Variants in THSD4 observed in about 807,000 individuals in gnomAD.
THSD4 encodes thrombospondin type-1 domain-containing protein 4.
THSD4 carries 69 observed loss-of-function variants against 119.0 expected under a neutral mutation model. The ratio of observed to expected loss-of-function variants is 0.58; its 90% CI spans 0.48 to 0.71. THSD4 has a LOEUF of 0.71. Among genes scored for constraint, THSD4 ranks in the 30% least tolerant of loss-of-function variants. The pLI is 0.00. For missense variants in THSD4, 1,393 were observed against 1,391.1 expected (o/e 1.00, Z -0.02); for synonymous variants, 524 against 540.4 (o/e 0.97, Z 0.42).
chr15:71,607,493 A>C (rs552206174), intron 7 of THSD4, among the ~76,000 whole-genome samples: 1 of 152,314 alleles, frequency 6.6e-6, no homozygotes, highest in South Asian at 2.1e-4. Context: ...TCCACACTTG[A>C]AGTAGTTCCC....
intron 7 of THSD4, among the ~76,000 whole-genome samples, chr15:71,593,916 C>CA (rs1480552301): frequency 2.0e-5 from 3 of 150,198 alleles, no homozygotes; most frequent in Non-Finnish European, 3.0e-5. Context: ...CTTCCCACCC[C>CA]CCCGGCAAAA....
At chr15:71,108,420 G>T (rs2040283042) in intron 1 of THSD4, among the ~76,000 whole-genome samples, 1 of 152,200 alleles carries the variant, frequency 6.6e-6, no homozygotes, top group Admixed American at 6.5e-5. Context: ...AACCTGATTA[G>T]ATTAAATATG....
chr15:71,726,348 C>T (rs2052837537), intron 8 of THSD4, among the ~76,000 whole-genome samples: 1 of 152,130 alleles, frequency 6.6e-6, no homozygotes, highest in African/African-American at 2.4e-5. Context: ...TGGGAAGGCC[C>T]ATTGTAGGAA....
intron 7 of THSD4, among the ~76,000 whole-genome samples, chr15:71,586,647 T>C (rs182328395): frequency 7.3e-4 from 111 of 152,332 alleles, no homozygotes; most frequent in Non-Finnish European, 1.1e-3. Flanking sequence ...CTTTTAATCA[T>C]GTGATTAGGT....
At chr15:71,532,199 G>GA (rs1037450981) in intron 7 of THSD4, among the ~76,000 whole-genome samples, 1 of 151,562 alleles carries the variant, frequency 6.6e-6, no homozygotes. Flanking sequence ...ACATGACCCA[G>GA]AAGGGTAACA....
At chr15:71,430,969 T>C (rs892370859) in intron 7 of THSD4, among the ~76,000 whole-genome samples, 3 of 152,068 alleles carry the variant, frequency 2.0e-5, no homozygotes, top group African/African-American at 4.8e-5. Context: ...GTGTTTCCAA[T>C]TGTGTTCTGT....
At chr15:71,307,278 C>T (rs796904610) in intron 6 of THSD4, among the ~76,000 whole-genome samples, 3 of 152,162 alleles carry the variant, frequency 2.0e-5, no homozygotes, top group South Asian at 4.1e-4. Context: ...ATAGTTATGG[C>T]GGTGGCTGTG....
At chr15:71,285,592 A>G (rs1056819107) in intron 6 of THSD4, among the ~76,000 whole-genome samples, 1 of 152,204 alleles carries the variant, frequency 6.6e-6, no homozygotes, top group Non-Finnish European at 1.5e-5. Context: ...GTGGTGGCTC[A>G]TGCCTGTAAT....
At chr15:71,561,745 C>T (rs1461258446) in intron 7 of THSD4, among the ~76,000 whole-genome samples, 1 of 152,048 alleles carries the variant, frequency 6.6e-6, no homozygotes. Flanking sequence ...GAAGAAAGAG[C>T]AAAAACCAGG....
chr15:71,225,539 CTTTTTTTTTTTCTTTTTT>C (rs899480626), intron 4 of THSD4, among the ~76,000 whole-genome samples: 6 of 105,384 alleles, frequency 5.7e-5, no homozygotes, highest in African/African-American at 1.7e-4. Context: ...TTTTCTTTTT[CTTTTTTTTTTTCTTTTTT>C]TTTTTTTTGA....
intron 7 of THSD4, among the ~76,000 whole-genome samples, chr15:71,573,871 T>C (rs756256486): frequency 2.0e-5 from 3 of 152,224 alleles, no homozygotes; most frequent in Non-Finnish European, 4.4e-5. Context: ...ATTTTAGCTG[T>C]TTCCCCAGCA....
At chr15:71,369,410 C>G (rs1404036210) in intron 6 of THSD4, among the ~76,000 whole-genome samples, 1 of 152,122 alleles carries the variant, frequency 6.6e-6, no homozygotes, top group African/African-American at 2.4e-5. Context: ...CTGATATTGG[C>G]TGTGGGATTG....
chr15:71,422,126 A>G (rs946221887), intron 7 of THSD4, among the ~76,000 whole-genome samples: 5 of 152,098 alleles, frequency 3.3e-5, no homozygotes. Flanking sequence ...AAGGTTACAT[A>G]TCTCTTGTTT....
intron 6 of THSD4, among the ~76,000 whole-genome samples, chr15:71,390,133 C>A (rs1259671554): frequency 6.6e-6 from 1 of 152,138 alleles, no homozygotes; most frequent in East Asian, 1.9e-4. Context: ...ATATTCTGGG[C>A]AATCCCTGAA....
chr15:71,234,797 A>G (rs936229864), intron 4 of THSD4, among the ~76,000 whole-genome samples: 10 of 152,144 alleles, frequency 6.6e-5, no homozygotes, highest in Admixed American at 1.3e-4. Flanking sequence ...CTCTGGCGCT[A>G]TCATCCTCAG....
chr15:71,773,223 A>G, intron 17 of THSD4, among the ~76,000 whole-genome samples: 1 of 127,928 alleles, frequency 7.8e-6, no homozygotes, highest in Non-Finnish European at 1.5e-5. Context: ...AAAGAAAAAG[A>G]AAAAAGAAAA....
chr15:71,740,622 A>G (rs1025589502), intron 11 of THSD4, among the ~76,000 whole-genome samples: 4 of 152,146 alleles, frequency 2.6e-5, no homozygotes, highest in African/African-American at 9.7e-5. Context: ...AATGGAGCAA[A>G]CTCATAACCA....
At chr15:71,628,790 T>C (rs1407924505) in intron 7 of THSD4, among the ~76,000 whole-genome samples, 1 of 152,182 alleles carries the variant, frequency 6.6e-6, no homozygotes, top group East Asian at 1.9e-4. Context: ...AGAAAATCCA[T>C]GCAAGTTTGG....
chr15:71,232,165 G>A (rs2044066653), intron 4 of THSD4, among the ~76,000 whole-genome samples: 1 of 152,112 alleles, frequency 6.6e-6, no homozygotes, highest in Admixed American at 6.5e-5. Flanking sequence ...GCTCTAGGTA[G>A]CCACTGGCTG....
Sources: gnomAD v4.1 joint callset for allele counts (sites outside exome capture counted in the v4.1 genomes callset) on GRCh38, gnomAD v4.1.1 for gene constraint, MANE v1.5 for transcripts, NCBI Gene and HGNC (gene_info 2026-07-23, HGNC 2026-07-21) for gene names.